The following RGS2 variants were observed in gnomAD, a reference collection of about 807,000 sequenced individuals.
RGS2 encodes the protein G0 to G1 switch regulatory 8, 24kD.
In RGS2, 20 loss-of-function variants were observed where a neutral mutation model predicts 26.6. That is an observed-to-expected ratio of 0.75 (90% CI 0.53 to 1.09). The LOEUF is 1.09. RGS2 is among the 50% of genes least tolerant of loss of function. The probability of loss-of-function intolerance (pLI) is 0.00; values close to 1 mark genes in which losing one functional copy is unlikely to be tolerated. For missense variants in RGS2, 246 were observed against 245.5 expected (o/e 1.00, Z -0.01); for synonymous variants, 97 against 79.9 (o/e 1.21, Z -1.14).
intron 1 of RGS2, chr1:192,809,646 G>C: frequency 7.1e-6 from 2 of 281,214 alleles, no homozygotes; most frequent in East Asian, 1.9e-4. Context: ...GTTATGCAGC[G>C]TCTGCTTAAA....
intron 4 of RGS2, 113 bp downstream of exon 4, chr1:192,811,260 G>C (rs1665587942): frequency 1.5e-6 from 2 of 1,347,938 alleles, no homozygotes; most frequent in Admixed American, 3.5e-5. Context: ...CCTCCACGTT[G>C]TAGCTTTCAG....
intron 3 of RGS2, 35 bp from the exon 4 acceptor site, chr1:192,810,946 C>T: frequency 6.3e-7 from 1 of 1,589,624 alleles, no homozygotes; most frequent in Non-Finnish European, 8.6e-7. Context: ...CTCAGTTCTT[C>T]ACATTCTGCA....
chr1:192,810,357 A>C lies in RGS2; in HGVS notation c.213-13A>C. 6.2e-7 allele frequency: 1 copy of C among 1,613,992 alleles called. No homozygotes were observed. Among genetic ancestry groups the C allele is most frequent in the Non-Finnish European group, 8.5e-7 (1 of 1,179,836 alleles). On this transcript the variant is annotated splice_polypyrimidine_tract_variant and intron_variant, in intron 2 of 4. Coordinates refer to ENST00000235382, the MANE Select transcript of RGS2 (RefSeq NM_002923.4). Reference sequence around the variant, plus strand: ...TGATGTGCGTAAGCTAACATACAGAACCTCTCTTGCAGGCCTTCTCCTGAG... The same window carrying C: ...TGATGTGCGTAAGCTAACATACAGACCCTCTCTTGCAGGCCTTCTCCTGAG...
At chr1:192,810,534 C>A in intron 3 of RGS2, 103 bp downstream of exon 3, 1 of 957,450 alleles carries the variant, frequency 1.0e-6, no homozygotes, top group Non-Finnish European at 1.7e-6. Context: ...GATTAGACTG[C>A]AGTCACTATA....
chr1:192,809,352 G>A, intron 1 of RGS2, 171 bp downstream of exon 1: 1 of 664,240 alleles, frequency 1.5e-6, no homozygotes, highest in Non-Finnish European at 2.8e-6. Context: ...GTGATGCTCG[G>A]GTACAGTTTA....
chr1:192,811,592 C>T lies in RGS2; in HGVS notation c.632C>T (p.Thr211Ile). The change falls in exon 5 of 5, where the codon ACA (threonine) becomes ATA (isoleucine). Residue 211 changes from threonine to isoleucine, a missense_variant. Thr to Ile is a moderately conservative substitution (Grantham distance 89). Coordinates refer to ENST00000235382, the MANE Select transcript of RGS2 (RefSeq NM_002923.4). ...KPQITTEPHAT is the reference protein window; with the variant it reads ...KPQITTEPHAI ...CAAATCACCACAGAGCCTCATGCTA[C>T]ATGAAATGTAAAAGGGAGCCCAGAA... 6.2e-7 allele frequency: 1 copy of T among 1,613,856 alleles called. No homozygotes were observed. The highest frequency in any genetic ancestry group is 1.1e-5 in the South Asian group (1 of 91,076).
intron 1 of RGS2, 146 bp from the exon 2 acceptor site, chr1:192,810,020 T>C: frequency 1.5e-6 from 1 of 666,450 alleles, no homozygotes; most frequent in South Asian, 1.7e-5. Flanking sequence ...GTTAGGTGGA[T>C]AAGACTTATT....
chr1:192,811,071 C>A lies in RGS2; in HGVS notation c.365C>A (p.Thr122Asn), dbSNP rs766607664. 6.2e-7 allele frequency: 1 copy of A among 1,613,974 alleles called. No individual in the cohort carries two copies. The highest frequency in any genetic ancestry group is 1.3e-5 in the African/African-American group (1 of 74,988). Residue 122 changes from threonine (T) to asparagine (N), a missense_variant, in exon 4 of 5, where the codon ACC (threonine) becomes AAC (asparagine). Coordinates refer to ENST00000235382, the MANE Select transcript of RGS2 (RefSeq NM_002923.4). ...FWLACEDFKK[T>N]KSPQKLSSKA... is the part of the protein sequence containing the mutation. ...CTGGCCTGTGAAGACTTCAAAAAAA[C>A]CAAATCACCCCAAAAGCTGTCCTCA... is the stretch of plus-strand genomic sequence containing the variant.
intron 1 of RGS2, 96 bp downstream of exon 1, chr1:192,809,277 T>A: frequency 1.1e-6 from 1 of 894,574 alleles, no homozygotes; most frequent in South Asian, 1.3e-5. Flanking sequence ...GTTAGGAAAC[T>A]AGCCTGAGCC....
intron 1 of RGS2, 23 bp from the exon 2 acceptor site, chr1:192,810,143 A>T: frequency 7.0e-7 from 1 of 1,434,048 alleles, no homozygotes; most frequent in Non-Finnish European, 9.8e-7. Flanking sequence ...GTTAGTAATT[A>T]TCTTTTTAAT....
intron 3 of RGS2, chr1:192,810,734 C>T: frequency 1.6e-6 from 1 of 610,108 alleles, no homozygotes; most frequent in Non-Finnish European, 2.9e-6. Flanking sequence ...TTTATGGCTC[C>T]CCTATAAATA....
At chr1:192,810,508 C>A in intron 3 of RGS2, 77 bp downstream of exon 3, 1 of 1,310,748 alleles carries the variant, frequency 7.6e-7, no homozygotes, top group Non-Finnish European at 1.1e-6. Context: ...AACAAAAGAG[C>A]AGCTTGCCTG....
intron 3 of RGS2, 184 bp from the exon 4 acceptor site, chr1:192,810,797 A>G (rs1011364265): frequency 2.9e-6 from 2 of 686,778 alleles, no homozygotes; most frequent in Non-Finnish European, 5.1e-6. Flanking sequence ...GAGTGCCAAC[A>G]TAAGCCTTTT....
At position 192,811,467 on chromosome 1, in the gene RGS2, C is replaced by T. The variant is rs760231323; in HGVS notation, c.507C>T (p.Cys169=). ...AQNIQEATSG[C]FTTAQKRVYS... is the part of the protein sequence containing the mutation. Reference sequence around the variant, plus strand: ...ATATACAAGAAGCTACAAGTGGCTGCTTTACAACTGCCCAGAAAAGGGTAT... The same window carrying T: ...ATATACAAGAAGCTACAAGTGGCTGTTTTACAACTGCCCAGAAAAGGGTAT... Residue 169 remains cysteine, a synonymous_variant, in exon 5 of 5, where the codon TGC becomes TGT. Transcript: ENST00000235382. The T allele has an allele frequency of 1.2e-5, 19 of 1,614,030 alleles. No homozygotes were observed. The highest frequency in any genetic ancestry group is 1.4e-5 in the Non-Finnish European group (16 of 1,179,894).
At position 192,812,025 on chromosome 1, in the gene RGS2, G is replaced by C. The variant is rs754227164; in HGVS notation, c.*429G>C. Reference sequence around the variant, plus strand: ...TAGTTTAGGATTCAGTAACAGTGAAGTGTTTACTATGTGCAACGGTATTGA... The same window carrying C: ...TAGTTTAGGATTCAGTAACAGTGAACTGTTTACTATGTGCAACGGTATTGA... On this transcript the variant is annotated 3_prime_UTR_variant, in exon 5 of 5. Transcript: ENST00000235382. 1 of 266,112 alleles carries C rather than the reference G, an allele frequency of 3.8e-6. No homozygotes were observed. The highest frequency in any genetic ancestry group is 2.2e-5 in the African/African-American group (1 of 45,016). The allele number at this position is 266,112 out of a possible 1,614,324, so 16.5% of individuals were successfully genotyped here.
chr1:192,810,958 GCT>G (rs5779653), intron 3 of RGS2, 21 bp from the exon 4 acceptor site: 434,035 of 1,607,586 alleles, frequency 0.27, 60,229 homozygotes, highest in East Asian at 0.44. Flanking sequence ...CATTCTGCAT[GCT>G]CTCTTTTCTC....
Position 192,811,441 on chromosome 1 carries a change from A to T in RGS2, c.481A>T (p.Asn161Tyr), listed in dbSNP as rs747988941. 6.2e-7 allele frequency: 1 copy of T among 1,614,054 alleles called. No individual in the cohort carries two copies. Among genetic ancestry groups the T allele is most frequent in the Non-Finnish European group, 8.5e-7 (1 of 1,179,984 alleles). The change falls in exon 5 of 5, where the codon AAT becomes TAT. Residue 161 changes from asparagine (N) to tyrosine (Y), a missense_variant. By Grantham distance (143) the Asn-to-Tyr change is moderately radical. Coordinates refer to ENST00000235382, the MANE Select transcript of RGS2 (RefSeq NM_002923.4). ...DFQTKTLIAQ[N>Y]IQEATSGCFT... ...TCAAACCAAAACTCTGATTGCCCAG[A>T]ATATACAAGAAGCTACAAGTGGCTG...
chr1:192,809,537 T>TG (rs1665552373), intron 1 of RGS2: 2 of 369,268 alleles, frequency 5.4e-6, no homozygotes, highest in African/African-American at 4.2e-5. Flanking sequence ...TACTGGAAGG[T>TG]GATGCTCTTG....
rs1033186781 is a variant in RGS2 at position 192,811,742 on chromosome 1, G to C, written c.*146G>C. On this transcript the variant is annotated 3_prime_UTR_variant, in exon 5 of 5. Coordinates refer to ENST00000235382, the MANE Select transcript of RGS2 (RefSeq NM_002923.4). The stretch of plus-strand genomic sequence containing the variant: ...AACTATTGATTCAAAGTTGGGTAGT[G>C]AATCAGGAAGCCAGTAACTGACTAG... 2.5e-6 allele frequency: 2 copies of C among 795,068 alleles called. No individual in the cohort carries two copies. The highest frequency in any genetic ancestry group is 3.4e-5 in the African/African-American group (2 of 58,478). The allele number at this position is 795,068 out of a possible 1,614,324, so 49.3% of individuals were successfully genotyped here.
Sources: gnomAD v4.1 joint callset for allele counts on GRCh38, gnomAD v4.1.1 for gene constraint, MANE v1.5 for transcripts, NCBI Gene and HGNC (gene_info 2026-07-23, HGNC 2026-07-21) for gene names.